PGS1: variants seen among roughly 807,000 people sequenced by gnomAD.
PGS1 encodes the protein phosphatidylglycerophosphate synthase 1, also known as CDP-diacylglycerol--glycerol-3-phosphate 3-phosphatidyltransferase, mitochondrial.
In PGS1, 44 loss-of-function variants were observed where a neutral mutation model predicts 58.3. That is an observed-to-expected ratio of 0.75 (90% CI 0.59 to 0.97). The LOEUF is 0.97. PGS1 is among the 50% of genes least tolerant of loss of function. PGS1 has a pLI of 0.00. For synonymous variants in PGS1, 330 were observed against 311.0 expected, an observed-to-expected ratio of 1.06 and a Z score of -0.64; for missense variants, 684 against 731.1, an observed-to-expected ratio of 0.94 and a Z score of 0.74.
chr17:78,415,135 T>A (rs2085068738), intron 8 of PGS1, 108 bp downstream of exon 8: 1 of 1,269,216 alleles, frequency 7.9e-7, no homozygotes, highest in Admixed American at 2.0e-5. Context: ...AGGCAACGAG[T>A]GAGACTCAGA....
At chr17:78,401,151 C>CA (rs374625247) in intron 6 of PGS1, among the ~76,000 whole-genome samples, 5 of 152,174 alleles carry the variant, frequency 3.3e-5, no homozygotes, top group African/African-American at 1.2e-4. Context: ...AGGACTCAGG[C>CA]AAGGGTATGC....
chr17:78,399,625 C>G, intron 5 of PGS1, 88 bp downstream of exon 5: 1 of 1,368,006 alleles, frequency 7.3e-7, no homozygotes, highest in Non-Finnish European at 1.0e-6. Context: ...ACCCGTTCCC[C>G]TCAGTCTTGG....
intron 7 of PGS1, among the ~76,000 whole-genome samples, chr17:78,412,936 C>T (rs1393283424): frequency 2.6e-5 from 4 of 151,512 alleles, no homozygotes; most frequent in African/African-American, 9.7e-5. Flanking sequence ...CAGCTCCATG[C>T]TCTGGGGAAG....
Position 78,378,651 on chromosome 17 carries a change from A to G in PGS1, c.-15A>G. The G allele has an allele frequency of 6.6e-7, 1 of 1,523,842 alleles. No homozygotes were observed. The highest frequency in any genetic ancestry group is 8.7e-7 in the Non-Finnish European group (1 of 1,143,788). The allele number at this position is 1,523,842 out of a possible 1,614,324, so 94.4% of individuals were successfully genotyped here. On this transcript the variant is annotated 5_prime_UTR_variant, in exon 1 of 10. Coordinates refer to ENST00000262764, the MANE Select transcript of PGS1 (RefSeq NM_024419.5). The stretch of plus-strand genomic sequence containing the variant: ...TCGCGCCCGCCGGGAGCGGAAGCGG[A>G]AGCGGCGAGTCTCCATGGCGGTGGC...
At chr17:78,402,373 A>T (rs532376367) in intron 6 of PGS1, among the ~76,000 whole-genome samples, 3 of 151,368 alleles carry the variant, frequency 2.0e-5, no homozygotes, top group South Asian at 4.2e-4. Flanking sequence ...TTTTTGTATC[A>T]TTTTCATTCT....
chr17:78,381,933 A>G (rs1036434702), intron 1 of PGS1, among the ~76,000 whole-genome samples: 1 of 152,200 alleles, frequency 6.6e-6, no homozygotes, highest in Non-Finnish European at 1.5e-5. Context: ...GTGCTGTGCT[A>G]GGTACTCAGG....
At chr17:78,417,082 A>G (rs1781397544) in intron 8 of PGS1, among the ~76,000 whole-genome samples, 1 of 152,126 alleles carries the variant, frequency 6.6e-6, no homozygotes, top group African/African-American at 2.4e-5. Flanking sequence ...AAACACTGAA[A>G]GCTTCCTGGT....
chr17:78,419,451 TGGGCTGGCCTGAG>T (rs543533190), intron 8 of PGS1, 82 bp from the exon 9 acceptor site: 15 of 1,100,136 alleles, frequency 1.4e-5, no homozygotes, highest in Non-Finnish European at 2.1e-5. Context: ...CAGGGTTTTC[TGGGCTGGCCTGAG>T]GGGCTGGGCT....
At chr17:78,416,329 A>C (rs1449805500) in intron 8 of PGS1, among the ~76,000 whole-genome samples, 3 of 152,250 alleles carry the variant, frequency 2.0e-5, no homozygotes, top group African/African-American at 7.2e-5. Flanking sequence ...CTGAGCCTGC[A>C]GCTTTCAACA....
intron 7 of PGS1, among the ~76,000 whole-genome samples, chr17:78,411,096 A>G (rs1276946358): frequency 6.6e-6 from 1 of 152,170 alleles, no homozygotes; most frequent in African/African-American, 2.4e-5. Context: ...AGGAGTAGAC[A>G]CTCGGGCAGT....
chr17:78,397,981 C>T (rs2083368885), intron 3 of PGS1: 9 of 546,886 alleles, frequency 1.6e-5, no homozygotes, highest in Admixed American at 9.3e-5. Flanking sequence ...CAGGGTGGCA[C>T]GGGCTGGCTG....
chr17:78,420,293 A>ATAC lies in PGS1; in HGVS notation c.*10+618_*10+619insTAC. On this transcript the variant is annotated intron_variant, in intron 9 of 9. Transcript: ENST00000262764. The stretch of plus-strand genomic sequence containing the variant: ...CAGGAGGGGCCTGCCGCTTCACCAG[A>ATAC]GGCACCAGTGGGGTCCCACAGTCAC... 4.4e-6 allele frequency: 4 copies of ATAC among 910,122 alleles called. No homozygotes were observed. The Admixed American group carries it at 1.8e-4, about 40-fold the overall frequency. 56.4% of individuals were successfully genotyped at this position (910,122 alleles called of 1,614,324 possible).
chr17:78,411,931 G>A (rs1171135861), intron 7 of PGS1, among the ~76,000 whole-genome samples: 1 of 10,656 alleles, frequency 9.4e-5, no homozygotes, highest in Non-Finnish European at 2.1e-4. Flanking sequence ...TTTTTTTTTT[G>A]AGATAGGGTT....
At chr17:78,403,464 T>G in intron 6 of PGS1, 104 bp from the exon 7 acceptor site, 3 of 1,182,608 alleles carry the variant, frequency 2.5e-6, no homozygotes, top group African/African-American at 1.5e-5. Context: ...GAACATCCAG[T>G]TGTAGCGTCT....
intron 7 of PGS1, among the ~76,000 whole-genome samples, chr17:78,407,260 A>G (rs541586731): frequency 4.7e-4 from 71 of 152,320 alleles, no homozygotes; most frequent in African/African-American, 1.6e-3. Flanking sequence ...CTTCACCCTA[A>G]AGCCAGGAAC....
intron 7 of PGS1, among the ~76,000 whole-genome samples, chr17:78,406,530 C>T (rs1226960036): frequency 6.6e-6 from 1 of 152,234 alleles, no homozygotes; most frequent in Admixed American, 6.5e-5. Flanking sequence ...CCTGTCTAGG[C>T]AGGTGGCATT....
chr17:78,424,005 G>A, intron 9 of PGS1, 56 bp from the exon 10 acceptor site: 1 of 1,614,066 alleles, frequency 6.2e-7, no homozygotes, highest in Non-Finnish European at 8.5e-7. Context: ...GGCCGCGGAT[G>A]CGTGTTTTGT....
rs2085025259 is a variant in PGS1 at position 78,414,733 on chromosome 17, T to C, written c.1403-146T>C. 8 of 829,678 alleles carry C rather than the reference T, an allele frequency of 9.6e-6. No homozygotes were observed. In the East Asian group the frequency reaches 2.1e-4, roughly 21 times the overall value. 51.4% of individuals were successfully genotyped at this position (829,678 alleles called of 1,614,324 possible). On this transcript the variant is annotated intron_variant, in intron 7 of 9. Transcript: ENST00000262764. ...GTGGGGGTGGAAGAGTGAGTCCTGG[T>C]GTGGCCTGTCCGCCGCTCTGCAGCA...
intron 6 of PGS1, 74 bp from the exon 7 acceptor site, chr17:78,403,494 C>T: frequency 6.8e-7 from 1 of 1,475,876 alleles, no homozygotes; most frequent in Non-Finnish European, 9.3e-7. Context: ...TATCACATGC[C>T]CTGTCCCCTG....
Sources: allele counts gnomAD v4.1 joint callset (sites outside exome capture counted in the v4.1 genomes callset), GRCh38; gene constraint gnomAD v4.1.1; transcripts MANE v1.5; gene names NCBI Gene and HGNC (gene_info 2026-07-23, HGNC 2026-07-21).